The following PXDNL variants were observed in gnomAD, a reference collection of about 807,000 sequenced individuals.
The protein encoded by PXDNL is peroxidasin like, also known as probable oxidoreductase PXDNL.
A neutral mutation model predicts 150.8 loss-of-function variants in PXDNL; 145 were observed. The ratio of observed to expected loss-of-function variants is 0.96; its 90% CI spans 0.84 to 1.10. PXDNL has a LOEUF of 1.10. PXDNL is among the 50% of genes least tolerant of loss of function. PXDNL has a pLI of 0.00. For missense variants in PXDNL, 2,087 were observed against 1,873.9 expected, an observed-to-expected ratio of 1.11 and a Z score of -2.10; for synonymous variants, 757 against 725.7, an observed-to-expected ratio of 1.04 and a Z score of -0.69.
At chr8:51,790,452 G>T (rs1043553061) in intron 1 of PXDNL, among the ~76,000 whole-genome samples, 1 of 152,184 alleles carries the variant, frequency 6.6e-6, no homozygotes, top group Non-Finnish European at 1.5e-5. Flanking sequence ...TTGGTGGAAG[G>T]TTCTACCACC....
chr8:51,367,132 CAT>C (rs1806948301), intron 19 of PXDNL, among the ~76,000 whole-genome samples: 1 of 125,658 alleles, frequency 8.0e-6, no homozygotes, highest in African/African-American at 3.1e-5. Flanking sequence ...AAAAAAAATT[CAT>C]ATAAAAGGAA....
chr8:51,733,263 A>C (rs911306181), intron 1 of PXDNL, among the ~76,000 whole-genome samples: 4 of 152,244 alleles, frequency 2.6e-5, no homozygotes, highest in Non-Finnish European at 5.9e-5. Context: ...ACAGATAAGT[A>C]ACGTATTTTC....
intron 17 of PXDNL, among the ~76,000 whole-genome samples, chr8:51,381,730 G>GA (rs1455722200): frequency 6.6e-6 from 1 of 151,406 alleles, no homozygotes; most frequent in Non-Finnish European, 1.5e-5. Flanking sequence ...CTCGGCTACT[G>GA]AAAGCTCCAC....
chr8:51,651,117 T>C (rs1241136454), intron 2 of PXDNL, among the ~76,000 whole-genome samples: 1 of 152,226 alleles, frequency 6.6e-6, no homozygotes, highest in Non-Finnish European at 1.5e-5. Context: ...ACATATAATT[T>C]AATGCCATTT....
intron 1 of PXDNL, among the ~76,000 whole-genome samples, chr8:51,756,565 G>A (rs1303568758): frequency 6.6e-6 from 1 of 151,844 alleles, no homozygotes; most frequent in African/African-American, 2.4e-5. Context: ...ATATACATTA[G>A]TTTTGGAATT....
intron 2 of PXDNL, among the ~76,000 whole-genome samples, chr8:51,621,905 T>C: frequency 6.7e-6 from 1 of 150,056 alleles, no homozygotes; most frequent in Non-Finnish European, 1.5e-5. Flanking sequence ...GATCATGCCA[T>C]TGCAGGCCAG....
intron 2 of PXDNL, among the ~76,000 whole-genome samples, chr8:51,631,009 A>C (rs1228473529): frequency 6.6e-6 from 1 of 152,186 alleles, no homozygotes; most frequent in Non-Finnish European, 1.5e-5. Flanking sequence ...TATTCATAAC[A>C]ACGAAGACAC....
chr8:51,435,859 T>G, intron 12 of PXDNL: 1 of 458,160 alleles, frequency 2.2e-6, no homozygotes, highest in Non-Finnish European at 4.4e-6. Flanking sequence ...AGAATGTTGA[T>G]GCCTCATTCT....
At chr8:51,744,182 GAGAA>G (rs1207784578) in intron 1 of PXDNL, among the ~76,000 whole-genome samples, 1 of 141,704 alleles carries the variant, frequency 7.1e-6, no homozygotes, top group African/African-American at 2.6e-5. Flanking sequence ...GAAGGAAGGT[GAGAA>G]AGAGAGAAAG....
intron 1 of PXDNL, among the ~76,000 whole-genome samples, chr8:51,735,165 A>G (rs1240925629): frequency 1.3e-5 from 2 of 152,218 alleles, no homozygotes. Flanking sequence ...AAATATATAC[A>G]ATTTTTGTAC....
chr8:51,589,363 G>C (rs147360862), intron 3 of PXDNL, among the ~76,000 whole-genome samples: 1 of 152,146 alleles, frequency 6.6e-6, no homozygotes, highest in Non-Finnish European at 1.5e-5. Flanking sequence ...AGAAGAGTCT[G>C]GAGGAGTAGG....
At chr8:51,335,798 G>A (rs1388549419) in intron 21 of PXDNL, among the ~76,000 whole-genome samples, 2 of 151,252 alleles carry the variant, frequency 1.3e-5, no homozygotes, top group Non-Finnish European at 2.9e-5. Context: ...GTGTAATTAT[G>A]GCTCTAGTTA....
At chr8:51,668,450 C>T (rs866914881) in intron 1 of PXDNL, among the ~76,000 whole-genome samples, 19 of 152,076 alleles carry the variant, frequency 1.2e-4, no homozygotes, top group Admixed American at 3.9e-4. Context: ...CCTGGGATTA[C>T]AAGAGTGAGC....
chr8:51,460,265 T>C (rs1033020739), intron 8 of PXDNL, among the ~76,000 whole-genome samples: 2 of 146,520 alleles, frequency 1.4e-5, no homozygotes, highest in African/African-American at 5.1e-5. Flanking sequence ...AAAAAAAAAA[T>C]CTTCCATATA....
chr8:51,496,393 C>T (rs1811052031), intron 5 of PXDNL, among the ~76,000 whole-genome samples: 1 of 152,146 alleles, frequency 6.6e-6, no homozygotes, highest in Non-Finnish European at 1.5e-5. Flanking sequence ...CCTCTCTCAC[C>T]ACTCCTATTC....
chr8:51,509,067 C>A (rs1034706582), intron 4 of PXDNL, among the ~76,000 whole-genome samples: 1 of 152,126 alleles, frequency 6.6e-6, no homozygotes, highest in African/African-American at 2.4e-5. Context: ...TGGTCCCCCA[C>A]CCTTGCCAGG....
chr8:51,374,495 T>A, intron 18 of PXDNL, 102 bp downstream of exon 18: 1 of 1,125,472 alleles, frequency 8.9e-7, no homozygotes, highest in East Asian at 2.4e-5. Context: ...ATACTCAATA[T>A]GCATTAAATC....
chr8:51,704,038 A>G (rs1816311970), intron 1 of PXDNL, among the ~76,000 whole-genome samples: 2 of 152,232 alleles, frequency 1.3e-5, no homozygotes, highest in Admixed American at 6.5e-5. Context: ...GGCATTGCCT[A>G]TAAAATAGAG....
At chr8:51,707,356 C>T (rs1816402865) in intron 1 of PXDNL, among the ~76,000 whole-genome samples, 1 of 152,064 alleles carries the variant, frequency 6.6e-6, no homozygotes, top group Non-Finnish European at 1.5e-5. Context: ...TTGATATTTG[C>T]ATATTTAAAA....
Sources: gnomAD v4.1 joint callset for allele counts (sites outside exome capture counted in the v4.1 genomes callset) on GRCh38, gnomAD v4.1.1 for gene constraint, MANE v1.5 for transcripts, NCBI Gene and HGNC (gene_info 2026-07-23, HGNC 2026-07-21) for gene names.